Variants in DYM observed in about 807,000 individuals in gnomAD.
DYM encodes dyggve-Melchior-Clausen syndrome protein.
In DYM, 78 loss-of-function variants were observed where a neutral mutation model predicts 93.1. That is an observed-to-expected ratio of 0.84 (90% CI 0.70 to 1.01). The LOEUF (loss-of-function observed/expected upper bound fraction) is 1.01, where lower values mean the gene tolerates loss of function less well. Ranked by LOEUF, DYM falls within the 50% of genes least tolerant of loss-of-function variation. The probability of loss-of-function intolerance (pLI) is 0.00; values close to 1 mark genes in which losing one functional copy is unlikely to be tolerated. For synonymous variants in DYM, 321 were observed against 319.7 expected (o/e 1.00, Z -0.04); for missense variants, 789 against 845.0 (o/e 0.93, Z 0.82).
At chr18:49,128,046 A>G (rs997173615) in intron 15 of DYM, among the ~76,000 whole-genome samples, 1 of 152,214 alleles carries the variant, frequency 6.6e-6, no homozygotes, top group East Asian at 1.9e-4. Flanking sequence ...AACATACACT[A>G]CTGCAAAGGC....
intron 17 of DYM, among the ~76,000 whole-genome samples, chr18:49,082,302 T>C (rs1260964947): frequency 6.6e-6 from 1 of 152,258 alleles, no homozygotes; most frequent in Non-Finnish European, 1.5e-5. Context: ...CAGCCTGAAA[T>C]GGTTTGCTTC....
chr18:49,204,142 T>C (rs1318234833), intron 14 of DYM, among the ~76,000 whole-genome samples: 1 of 152,196 alleles, frequency 6.6e-6, no homozygotes, highest in Non-Finnish European at 1.5e-5. Flanking sequence ...GTAGAAGAGT[T>C]ATATGAACCC....
chr18:49,240,311 C>G (rs1266985103), intron 13 of DYM, among the ~76,000 whole-genome samples: 1 of 151,780 alleles, frequency 6.6e-6, no homozygotes, highest in Non-Finnish European at 1.5e-5. Flanking sequence ...TAATGAGAAC[C>G]CCAAAGAATT....
intron 15 of DYM, among the ~76,000 whole-genome samples, chr18:49,163,266 C>G (rs1221486144): frequency 6.6e-6 from 1 of 152,096 alleles, no homozygotes; most frequent in East Asian, 1.9e-4. Context: ...GTTTCTTGGG[C>G]AGCAAAGATT....
chr18:49,065,519 T>C (rs2076324190), intron 17 of DYM, among the ~76,000 whole-genome samples: 1 of 152,160 alleles, frequency 6.6e-6, no homozygotes, highest in Non-Finnish European at 1.5e-5. Flanking sequence ...TGCACCACCA[T>C]GCCTGGCTAA....
intron 8 of DYM, among the ~76,000 whole-genome samples, chr18:49,302,725 C>A (rs1285165234): frequency 6.6e-6 from 1 of 152,010 alleles, no homozygotes; most frequent in Admixed American, 6.6e-5. Context: ...TTTTATTCAC[C>A]CAATTTTACC....
At chr18:49,146,302 T>C (rs2085130114) in intron 15 of DYM, among the ~76,000 whole-genome samples, 1 of 152,190 alleles carries the variant, frequency 6.6e-6, no homozygotes, top group Admixed American at 6.5e-5. Flanking sequence ...GGATGCCTTC[T>C]CTCACCACTC....
chr18:49,135,760 A>G (rs969023379), intron 15 of DYM, among the ~76,000 whole-genome samples: 1 of 152,230 alleles, frequency 6.6e-6, no homozygotes, highest in Non-Finnish European at 1.5e-5. Context: ...GAAATGCTCT[A>G]AGCTGTGAAT....
intron 15 of DYM, among the ~76,000 whole-genome samples, chr18:49,150,532 G>A (rs956534476): frequency 6.6e-6 from 1 of 152,222 alleles, no homozygotes; most frequent in Non-Finnish European, 1.5e-5. Flanking sequence ...GGCCTCACCA[G>A]AACCCAACTG....
intron 1 of DYM, among the ~76,000 whole-genome samples, chr18:49,433,099 C>T (rs916314313): frequency 1.3e-5 from 2 of 152,144 alleles, no homozygotes; most frequent in African/African-American, 4.8e-5. Context: ...GGATCCAACA[C>T]AGGGCAGTGG....
chr18:49,152,846 T>C lies in DYM; in HGVS notation c.1728+10839A>G, dbSNP rs2085970822. ...ACATGGATAAACCTGGAGAACATTATGCTAAGTAAATGAGACAGAGACAAA... is the reference window on the plus strand; with the variant it reads ...ACATGGATAAACCTGGAGAACATTACGCTAAGTAAATGAGACAGAGACAAA... On this transcript the variant is annotated intron_variant, in intron 15 of 17. Coordinates refer to ENST00000675505, the MANE Select transcript of DYM (RefSeq NM_001353214.3). 5.3e-5 allele frequency among the ~76,000 whole-genome samples: 8 copies of C among 152,178 alleles called. No individual in the cohort carries two copies. The South Asian group carries it at 1.7e-3, about 31-fold the overall frequency.
intron 17 of DYM, among the ~76,000 whole-genome samples, chr18:49,056,009 G>A (rs1041876293): frequency 6.6e-6 from 1 of 152,168 alleles, no homozygotes; most frequent in Admixed American, 6.5e-5. Context: ...CAGCTGAGGC[G>A]ACTCAGCCCA....
intron 15 of DYM, among the ~76,000 whole-genome samples, chr18:49,124,480 G>C (rs2082641563): frequency 6.8e-6 from 1 of 146,912 alleles, no homozygotes; most frequent in Admixed American, 6.9e-5. Context: ...CTGCACTCCA[G>C]CCTGGGCAAC....
At chr18:49,098,351 C>T (rs2079777412) in intron 16 of DYM, among the ~76,000 whole-genome samples, 5 of 152,178 alleles carry the variant, frequency 3.3e-5, no homozygotes, top group Non-Finnish European at 7.4e-5. Flanking sequence ...AAGTTACAAA[C>T]AATCCTTCAC....
At position 49,287,809 on chromosome 18, in the gene DYM, C is replaced by A. The variant is rs989127806; in HGVS notation, c.764-1193G>T. 3.1e-5 allele frequency among the ~76,000 whole-genome samples: 3 copies of A among 95,662 alleles called. No individual in the cohort carries two copies. In the Admixed American group the frequency reaches 5.2e-4, roughly 17 times the overall value. The allele number at this position is 95,662 out of a possible 152,430, so 62.8% of individuals were successfully genotyped here. A position where few individuals can be genotyped will look rare whatever the true frequency, so the allele number is the denominator to read the frequency against. On this transcript the variant is annotated intron_variant, in intron 8 of 17. Coordinates refer to ENST00000675505, the MANE Select transcript of DYM (RefSeq NM_001353214.3). ...GCGGTGAGCTGAGATCGCGCCACAACAAGAGCGAAACTCCGTCTCAAAAAA... is the reference window on the plus strand; with the variant it reads ...GCGGTGAGCTGAGATCGCGCCACAAAAAGAGCGAAACTCCGTCTCAAAAAA...
intron 2 of DYM, among the ~76,000 whole-genome samples, chr18:49,414,979 C>A (rs1436271163): frequency 1.3e-5 from 2 of 151,752 alleles, no homozygotes; most frequent in East Asian, 1.9e-4. Context: ...GTATATTAAT[C>A]AAAAAAATAC....
intron 5 of DYM, among the ~76,000 whole-genome samples, chr18:49,370,254 G>T (rs1478347618): frequency 1.4e-5 from 2 of 147,820 alleles, no homozygotes; most frequent in African/African-American, 5.1e-5. Context: ...CTTCAGCCTC[G>T]GAAACAAGAG....
At chr18:49,287,329 A>G (rs188009344) in intron 8 of DYM, among the ~76,000 whole-genome samples, 140 of 149,844 alleles carry the variant, frequency 9.3e-4, no homozygotes, top group Middle Eastern at 6.9e-3. Context: ...ATTTTCATAT[A>G]TATATTTAAA....
At chr18:49,099,601 A>T (rs1031364527) in intron 16 of DYM, among the ~76,000 whole-genome samples, 2 of 152,212 alleles carry the variant, frequency 1.3e-5, no homozygotes, top group Non-Finnish European at 2.9e-5. Flanking sequence ...AGATAAAATC[A>T]ATTAGATTAA....
Sources: gnomAD v4.1 joint callset for allele counts (sites outside exome capture counted in the v4.1 genomes callset) on GRCh38, gnomAD v4.1.1 for gene constraint, MANE v1.5 for transcripts, NCBI Gene and HGNC (gene_info 2026-07-23, HGNC 2026-07-21) for gene names.